The following GRID2IP variants were observed in gnomAD, a reference collection of about 807,000 sequenced individuals.
The protein encoded by GRID2IP is Grid2 interacting protein, also known as delphilin.
A neutral mutation model predicts 114.3 loss-of-function variants in GRID2IP; 78 were observed. The observed-to-expected ratio is 0.68, with a 90% CI of 0.57 to 0.82. The LOEUF (loss-of-function observed/expected upper bound fraction) is 0.82. Among genes scored for constraint, GRID2IP ranks in the 40% least tolerant of loss-of-function variants. GRID2IP has a pLI of 0.00. For synonymous variants in GRID2IP, 809 were observed against 724.0 expected (o/e 1.12, Z -1.89); for missense variants, 1,727 against 1,678.5 (o/e 1.03, Z -0.51).
At chr7:6,518,842 C>T (rs961983816) in intron 7 of GRID2IP, among the ~76,000 whole-genome samples, 4 of 152,146 alleles carry the variant, frequency 2.6e-5, no homozygotes, top group African/African-American at 9.7e-5. Flanking sequence ...ATGAAATATA[C>T]ATTGGACAGA....
Position 6,526,568 on chromosome 7 carries a change from C to G in GRID2IP, c.786G>C (p.Arg262Ser). The G allele has an allele frequency of 8.3e-7, 1 of 1,208,024 alleles. No homozygotes were observed. The allele number at this position is 1,208,024 out of a possible 1,614,324, so 74.8% of individuals were successfully genotyped here. A position where few individuals can be genotyped will look rare whatever the true frequency, so the allele number is the denominator to read the frequency against. Residue 262 changes from arginine to serine, a missense_variant, in exon 3 of 22, where the codon AGG becomes AGC. By Grantham distance (110) the Arg-to-Ser change is moderately radical. Coordinates refer to ENST00000457091, the MANE Select transcript of GRID2IP (RefSeq NM_001145118.2). The surrounding 1 kb of genome is among the most constrained non-coding windows in gnomAD (Gnocchi z 7.6). ...CGAGGCCGCCCACCAGCAAGGAGGC[C>G]CTGCGCGGGGGCGGCTCATCGGGGC... Reference protein sequence around the residue: ...PRRPDEPPPRRASLLVGGLAG... With the variant: ...PRRPDEPPPRSASLLVGGLAG...
intron 2 of GRID2IP, among the ~76,000 whole-genome samples, chr7:6,530,042 T>C (rs1241451259): frequency 6.6e-6 from 1 of 150,436 alleles, no homozygotes; most frequent in African/African-American, 2.4e-5. Flanking sequence ...CACTGCAAGC[T>C]CCGCCTCCAG....
intron 1 of GRID2IP, among the ~76,000 whole-genome samples, chr7:6,549,742 C>G (rs987134464): frequency 3.3e-5 from 5 of 152,002 alleles, no homozygotes; most frequent in Non-Finnish European, 7.4e-5. Context: ...CACCTCAACA[C>G]CCTTGAGTAT....
At chr7:6,511,536 C>G (rs1298467007) in intron 8 of GRID2IP, among the ~76,000 whole-genome samples, 1 of 152,006 alleles carries the variant, frequency 6.6e-6, no homozygotes, top group Admixed American at 6.6e-5. Flanking sequence ...CCATGCCTGG[C>G]TAATTTTTGT....
At chr7:6,518,352 A>C (rs1385117120) in intron 7 of GRID2IP, among the ~76,000 whole-genome samples, 1 of 152,234 alleles carries the variant, frequency 6.6e-6, no homozygotes, top group Non-Finnish European at 1.5e-5. Flanking sequence ...TCCCAGAAAA[A>C]GTTCACAAGC....
chr7:6,541,123 G>A (rs1259599975), intron 1 of GRID2IP, among the ~76,000 whole-genome samples: 1 of 151,832 alleles, frequency 6.6e-6, no homozygotes, highest in Non-Finnish European at 1.5e-5. Context: ...GGGTTCAAGT[G>A]ATCCTTCCAC....
intron 16 of GRID2IP, 84 bp from the exon 17 acceptor site, chr7:6,503,247 G>GGGGGGGC: frequency 4.0e-6 from 2 of 504,182 alleles, no homozygotes; most frequent in Non-Finnish European, 7.2e-6. Flanking sequence ...GGGAGGGGGG[G>GGGGGGGC]ATCTGCTGGC....
At chr7:6,504,024 A>C (rs1372920604) in intron 15 of GRID2IP, among the ~76,000 whole-genome samples, 2 of 143,004 alleles carry the variant, frequency 1.4e-5, no homozygotes, top group Non-Finnish European at 3.0e-5. Flanking sequence ...CCCAGGATAC[A>C]GCGGGGAATC....
Position 6,521,809 on chromosome 7 carries a change from G to T in GRID2IP, c.989+79C>A. On this transcript the variant is annotated intron_variant, in intron 5 of 21. Transcript: ENST00000457091. The surrounding 1 kb of genome is among the most constrained non-coding windows in gnomAD (Gnocchi z 4.1). ...GAGAGGAGATTGTGATCACAGCCTG[G>T]GTGCCCCAAGAGGCAGGAGTCTTGC... The T allele has an allele frequency of 9.4e-7, 1 of 1,064,658 alleles. No individual in the cohort carries two copies. The highest frequency in any genetic ancestry group is 1.4e-6 in the Non-Finnish European group (1 of 709,484). The allele number at this position is 1,064,658 out of a possible 1,614,324, so 66.0% of individuals were successfully genotyped here. A position where few individuals can be genotyped will look rare whatever the true frequency, so the allele number is the denominator to read the frequency against.
chr7:6,522,643 T>C (rs1030553358), intron 4 of GRID2IP, among the ~76,000 whole-genome samples: 1 of 151,368 alleles, frequency 6.6e-6, no homozygotes, highest in African/African-American at 2.4e-5. Context: ...GCACCACCAC[T>C]CCGGGCTAAT....
rs1338613358 is a variant in GRID2IP, at chr7:6,496,839, CT to C, written c.*934del. ...AAAAAGGTGAAACAGTTCACACACCCTCCCTCCCTGCCCACCACGCCACCTG... is the reference window on the plus strand; with the variant it reads ...AAAAAGGTGAAACAGTTCACACACCCCCCTCCCTGCCCACCACGCCACCTG... On this transcript the variant is annotated 3_prime_UTR_variant, in exon 22 of 22. Transcript: ENST00000457091. Among the ~76,000 whole-genome samples the C allele has an allele frequency of 6.6e-6, 1 of 152,000 alleles. No individual in the cohort carries two copies. Among genetic ancestry groups the C allele is most frequent in the African/African-American group, 2.4e-5 (1 of 41,390 alleles).
chr7:6,543,200 G>C (rs898492376), intron 1 of GRID2IP, among the ~76,000 whole-genome samples: 3 of 152,128 alleles, frequency 2.0e-5, no homozygotes, highest in African/African-American at 7.2e-5. Flanking sequence ...TTCGAGACCA[G>C]CCTGGCCAAC....
chr7:6,524,748 A>C (rs1779476804), intron 4 of GRID2IP, among the ~76,000 whole-genome samples: 2 of 149,708 alleles, frequency 1.3e-5, no homozygotes, highest in East Asian at 2.1e-4. Flanking sequence ...ATGGAGTCTC[A>C]CTCTGTCGCC....
At chr7:6,518,796 G>A (rs1779359335) in intron 7 of GRID2IP, among the ~76,000 whole-genome samples, 2 of 152,098 alleles carry the variant, frequency 1.3e-5, no homozygotes, top group Admixed American at 1.3e-4. Flanking sequence ...GCATCACTGT[G>A]ATCTAAAGGA....
chr7:6,514,949 C>T (rs1262403865), intron 7 of GRID2IP, among the ~76,000 whole-genome samples: 2 of 132,922 alleles, frequency 1.5e-5, no homozygotes, highest in Non-Finnish European at 3.1e-5. Flanking sequence ...GAGACTCCAA[C>T]TCAAAAAAAA....
Position 6,544,627 on chromosome 7 carries a change from A to T in GRID2IP, c.430-4755T>A, listed in dbSNP as rs75299229. Among the ~76,000 whole-genome samples the T allele has an allele frequency of 3.2e-3, 487 of 152,168 alleles. 1 individual carries two copies. The highest frequency in any genetic ancestry group is 5.9e-3 in the Non-Finnish European group (403 of 68,020). On this transcript the variant is annotated intron_variant, in intron 1 of 21. Transcript: ENST00000457091. ...CTTCTCCATTCCCTGCAGCTTATAT[A>T]AATGTTCAAGTCTCTCTCAGGCTAT...
Position 6,504,860 on chromosome 7 carries a change from C to T in GRID2IP, c.2643G>A (p.Pro881=). The change falls in exon 15 of 22, where the codon CCG becomes CCA. Residue 881 remains proline, a synonymous_variant. Transcript: ENST00000457091. ...FGTQKPAKPV[P]GPEPFRKKEV... Reference sequence around the variant, plus strand: ...CCTTCTTCCGGAAGGGCTCCGGCCCCGGCACCGGTTCTGGAAAAGAAACTG... The same window carrying T: ...CCTTCTTCCGGAAGGGCTCCGGCCCTGGCACCGGTTCTGGAAAAGAAACTG... 3.2e-6 allele frequency: 5 copies of T among 1,551,288 alleles called. No individual in the cohort carries two copies. Among genetic ancestry groups the T allele is most frequent in the Non-Finnish European group, 4.4e-6 (5 of 1,146,812 alleles).
chr7:6,515,552 C>CGAAT (rs1562517049), intron 7 of GRID2IP, among the ~76,000 whole-genome samples: 1 of 150,924 alleles, frequency 6.6e-6, no homozygotes, highest in East Asian at 2.0e-4. Context: ...CTGAGGCAGG[C>CGAAT]GAATCATCTG....
At chr7:6,512,909 C>T (rs992949546) in intron 8 of GRID2IP, among the ~76,000 whole-genome samples, 14 of 152,216 alleles carry the variant, frequency 9.2e-5, no homozygotes, top group African/African-American at 3.4e-4. Context: ...CCACCCACCT[C>T]AGCCTACCAA....
Sources: allele counts gnomAD v4.1 joint callset (sites outside exome capture counted in the v4.1 genomes callset), GRCh38; gene constraint gnomAD v4.1.1; non-coding constraint Gnocchi (gnomAD v3.1); transcripts MANE v1.5; gene names NCBI Gene and HGNC (gene_info 2026-07-23, HGNC 2026-07-21).